Variants in ELP2 observed in about 807,000 individuals in gnomAD.
The protein encoded by ELP2 is elongator acetyltransferase complex subunit 2, also known as elongator complex protein 2.
Under a neutral mutation model 119.2 loss-of-function variants are expected in ELP2, and 90 were observed. That is an observed-to-expected ratio of 0.75 (90% CI 0.64 to 0.90). The LOEUF (loss-of-function observed/expected upper bound fraction) is 0.90, where lower values mean the gene tolerates loss of function less well. Among genes scored for constraint, ELP2 ranks in the 40% least tolerant of loss-of-function variants. ELP2 has a pLI of 0.00. For synonymous variants in ELP2, 339 were observed against 331.0 expected (o/e 1.02, Z -0.26); for missense variants, 921 against 967.8 (o/e 0.95, Z 0.64).
chr18:36,136,189 C>A (rs528771713), intron 2 of ELP2, 118 bp from the exon 3 acceptor site: 1 of 735,370 alleles, frequency 1.4e-6, no homozygotes, highest in South Asian at 1.6e-5. Flanking sequence ...CAAAATGTTA[C>A]CAGTTTGTGA....
chr18:36,167,857 G>A (rs2090954633), intron 19 of ELP2, among the ~76,000 whole-genome samples: 1 of 152,002 alleles, frequency 6.6e-6, no homozygotes, highest in Admixed American at 6.6e-5. Flanking sequence ...TGTTTTTATT[G>A]TGTAGAGATG....
intron 19 of ELP2, among the ~76,000 whole-genome samples, chr18:36,167,696 T>TA (rs1361940292): frequency 6.7e-6 from 1 of 149,394 alleles, no homozygotes; most frequent in Non-Finnish European, 1.5e-5. Flanking sequence ...AGCTAGGAAT[T>TA]TTTTTTTTTT....
chr18:36,156,919 G>A (rs1454092998), intron 13 of ELP2, among the ~76,000 whole-genome samples: 1 of 152,146 alleles, frequency 6.6e-6, no homozygotes, highest in Non-Finnish European at 1.5e-5. Context: ...TTTTATCACT[G>A]TGTTAGGTAC....
At chr18:36,137,273 C>G (rs2089860104) in intron 3 of ELP2, 1 of 152,140 alleles carries the variant, frequency 6.6e-6, no homozygotes, top group Non-Finnish European at 1.5e-5. Context: ...GACTCCTGGA[C>G]TCAGGTGATA....
chr18:36,139,978 G>A (rs2089965497), intron 5 of ELP2, among the ~76,000 whole-genome samples: 1 of 151,732 alleles, frequency 6.6e-6, no homozygotes, highest in South Asian at 2.1e-4. Flanking sequence ...CCAAGTGGCT[G>A]GGACTACAAG....
chr18:36,130,100 T>G, intron 1 of ELP2, 29 bp downstream of exon 1: 2 of 1,613,722 alleles, frequency 1.2e-6, no homozygotes, highest in Non-Finnish European at 8.5e-7. Flanking sequence ...CGGCCGACCC[T>G]TGTGCTTTTC....
chr18:36,156,549 A>G lies in ELP2; in HGVS notation c.1359A>G (p.Val453=), dbSNP rs148633121. 153 of 1,614,022 alleles carry G rather than the reference A, an allele frequency of 9.5e-5. No homozygotes were observed. The highest frequency in any genetic ancestry group is 3.2e-4 in the Admixed American group (19 of 59,996). The change falls in exon 13 of 22, where the codon GTA becomes GTG. Residue 453 remains valine (V), a synonymous_variant. Coordinates refer to ENST00000358232, the MANE Select transcript of ELP2 (RefSeq NM_018255.4). ...CAATGATTAATCGGTTTCAGTTTGT[A>G]TCTGGAGCAGATGAAAAAGTTCTTC... is the stretch of plus-strand genomic sequence containing the variant. ...CLAMINRFQF[V]SGADEKVLRV... is the part of the protein sequence containing the mutation.
intron 1 of ELP2, among the ~76,000 whole-genome samples, chr18:36,131,733 T>G (rs927405926): frequency 6.6e-6 from 1 of 152,218 alleles, no homozygotes; most frequent in Non-Finnish European, 1.5e-5. Flanking sequence ...TGCTTTGATG[T>G]ACTTAACACA....
chr18:36,164,602 T>G lies in ELP2; in HGVS notation c.1889T>G (p.Leu630Arg), dbSNP rs1288562882. The G allele has an allele frequency of 6.2e-7, 1 of 1,614,014 alleles. No homozygotes were observed. The highest frequency in any genetic ancestry group is 8.5e-7 in the Non-Finnish European group (1 of 1,180,006). Residue 630 changes from leucine to arginine, a missense_variant, in exon 18 of 22, where the codon CTA becomes CGA. Leu to Arg is a moderately radical substitution (Grantham distance 102). Transcript: ENST00000358232. The stretch of plus-strand genomic sequence containing the variant: ...TTCTCACCTAATGAGAAGTTCTTAC[T>G]AGCTGTTTCCAGAGATCGAACCTGG... ...MAFSPNEKFLLAVSRDRTWSL... is the reference protein window; with the variant it reads ...MAFSPNEKFLRAVSRDRTWSL...
At chr18:36,167,672 A>AC (rs2090947859) in intron 19 of ELP2, among the ~76,000 whole-genome samples, 2 of 151,200 alleles carry the variant, frequency 1.3e-5, no homozygotes, top group East Asian at 3.9e-4. Context: ...CTTTAAAAAA[A>AC]GTCAAAACAA....
At position 36,159,964 on chromosome 18, in the gene ELP2, C is replaced by T. The variant is rs758239024; in HGVS notation, c.1637C>T (p.Pro546Leu). The T allele has an allele frequency of 1.2e-6, 2 of 1,614,018 alleles. No homozygotes were observed. Among genetic ancestry groups the T allele is most frequent in the East Asian group, 4.5e-5 (2 of 44,862 alleles). Residue 546 changes from proline to leucine, a missense_variant, in exon 16 of 22, where the codon CCC (proline) becomes CTC (leucine). Pro to Leu is a moderately conservative substitution (Grantham distance 98). Coordinates refer to ENST00000358232, the MANE Select transcript of ELP2 (RefSeq NM_018255.4). ...TAGCTTCAATTTATTCTAGAGCCTCCCACTGAGGATCATCTTCTGCAGAAT... is the reference window on the plus strand; with the variant it reads ...TAGCTTCAATTTATTCTAGAGCCTCTCACTGAGGATCATCTTCTGCAGAAT... ...AFQPSILTEP[P>L]TEDHLLQNTL...
chr18:36,168,085 T>A (rs1283642254), intron 19 of ELP2, among the ~76,000 whole-genome samples: 3 of 152,242 alleles, frequency 2.0e-5, no homozygotes, highest in Non-Finnish European at 4.4e-5. Context: ...CTTTTGTTCC[T>A]ACAGACTAGA....
intron 5 of ELP2, chr18:36,139,327 C>T: frequency 1.6e-6 from 2 of 1,264,250 alleles, no homozygotes; most frequent in Non-Finnish European, 2.1e-6. Flanking sequence ...AAAAATTTCC[C>T]TTTTGCTGTG....
chr18:36,155,138 G>A (rs896782706), intron 12 of ELP2, 139 bp downstream of exon 12: 8 of 696,528 alleles, frequency 1.1e-5, no homozygotes, highest in African/African-American at 7.1e-5. Flanking sequence ...TCAGCCTCCC[G>A]AGTAGCTGGG....
At chr18:36,131,480 C>T (rs2089625016) in intron 1 of ELP2, among the ~76,000 whole-genome samples, 1 of 152,228 alleles carries the variant, frequency 6.6e-6, no homozygotes, top group African/African-American at 2.4e-5. Context: ...TGGCTGGGCA[C>T]TGGGAGGACC....
intron 13 of ELP2, 156 bp from the exon 14 acceptor site, chr18:36,158,679 C>T (rs2090641133): frequency 6.8e-6 from 4 of 590,136 alleles, no homozygotes; most frequent in Admixed American, 2.9e-5. Flanking sequence ...AGTGAAAGTA[C>T]GGGTAGACAT....
chr18:36,170,030 A>G, intron 19 of ELP2, 33 bp from the exon 20 acceptor site: 1 of 1,614,070 alleles, frequency 6.2e-7, no homozygotes, highest in Non-Finnish European at 8.5e-7. Context: ...TTGCAAAGAG[A>G]AGGCTTTACA....
intron 13 of ELP2, among the ~76,000 whole-genome samples, 189 bp downstream of exon 13, chr18:36,156,843 GTGT>G (rs2090590583): frequency 1.3e-5 from 2 of 152,172 alleles, no homozygotes; most frequent in Non-Finnish European, 2.9e-5. Flanking sequence ...TAGAAATTTT[GTGT>G]AGCAAATGAG....
At position 36,167,153 on chromosome 18, in the gene ELP2, T is replaced by C. The variant is rs140435822; in HGVS notation, c.2007T>C (p.Ser669=). The C allele has an allele frequency of 1.2e-6, 2 of 1,601,480 alleles. No homozygotes were observed. The highest frequency in any genetic ancestry group is 4.5e-5 in the East Asian group (2 of 44,448). The change falls in exon 19 of 22, where the codon AGT becomes AGC. Residue 669 remains serine, a synonymous_variant. Transcript: ENST00000358232. ...CCAACAAAATTACTTCTGTGCACAG[T>C]AGAATTATTTGGTCTTGTGATTGGA... ...AFTNKITSVH[S]RIIWSCDWSP... is the part of the protein sequence containing the mutation.
Sources: gnomAD v4.1 joint callset for allele counts (sites outside exome capture counted in the v4.1 genomes callset) on GRCh38, gnomAD v4.1.1 for gene constraint, MANE v1.5 for transcripts, NCBI Gene and HGNC (gene_info 2026-07-23, HGNC 2026-07-21) for gene names.